Variants in CPS1 observed in about 807,000 individuals in gnomAD.
CPS1 encodes carbamoyl-phosphate synthase 1.
Under a neutral mutation model 174.6 loss-of-function variants are expected in CPS1, and 109 were observed. The observed-to-expected ratio is 0.62, with a 90% CI of 0.53 to 0.73. The LOEUF is 0.73. CPS1 is among the 30% of genes least tolerant of loss of function. The pLI is 0.00. For synonymous variants in CPS1, 637 were observed against 632.0 expected (o/e 1.01, Z -0.12); for missense variants, 1,689 against 1,821.9 (o/e 0.93, Z 1.33).
intron 1 of CPS1, among the ~76,000 whole-genome samples, chr2:210,487,389 A>C (rs1434448190): frequency 1.3e-5 from 2 of 152,202 alleles, no homozygotes; most frequent in African/African-American, 2.4e-5. Context: ...CTTGATATAC[A>C]ACAGATTCAA....
intron 32 of CPS1, among the ~76,000 whole-genome samples, 188 bp downstream of exon 32, chr2:210,660,843 CA>C (rs1023372003): frequency 6.6e-6 from 1 of 152,052 alleles, no homozygotes; most frequent in Non-Finnish European, 1.5e-5. Context: ...TTGTACATTT[CA>C]AAAAAATTTT....
intron 36 of CPS1, among the ~76,000 whole-genome samples, 165 bp from the exon 37 acceptor site, chr2:210,676,842 A>T (rs564365400): frequency 1.3e-5 from 2 of 152,232 alleles, no homozygotes; most frequent in African/African-American, 4.8e-5. Context: ...TATAATCCCT[A>T]TATAAGTGTA....
intron 13 of CPS1, among the ~76,000 whole-genome samples, chr2:210,598,075 C>A (rs7588072): frequency 0.31 from 47,087 of 150,780 alleles, 7,862 homozygotes; most frequent in Middle Eastern, 0.4. Context: ...CAAATAAATA[C>A]AAGGGGGAGC....
intron 4 of CPS1, among the ~76,000 whole-genome samples, chr2:210,579,284 G>A (rs543477021): frequency 2.2e-4 from 34 of 152,272 alleles, no homozygotes; most frequent in African/African-American, 7.5e-4. Flanking sequence ...CTAACAGGAT[G>A]ATCATGTTTT....
At chr2:210,547,532 T>G (rs1237543014) in intron 1 of CPS1, among the ~76,000 whole-genome samples, 1 of 152,052 alleles carries the variant, frequency 6.6e-6, no homozygotes, top group Non-Finnish European at 1.5e-5. Flanking sequence ...AATGAAAGAA[T>G]TATATAGTCT....
Position 210,641,401 on chromosome 2 carries a change from C to T in CPS1, c.2960-1083C>T, listed in dbSNP as rs148152551. The stretch of plus-strand genomic sequence containing the variant: ...TCAGCCTCCCAAAGTGCTGGTATTA[C>T]AGGCAGGAGCCACTACAGCTAGCAA... On this transcript the variant is annotated intron_variant, in intron 24 of 37. Coordinates refer to ENST00000233072, the MANE Select transcript of CPS1 (RefSeq NM_001875.5). Among the ~76,000 whole-genome samples, 1,382 of 152,268 alleles carry T rather than the reference C, an allele frequency of 9.1e-3. 27 individuals are homozygous for T. Among genetic ancestry groups the T allele is most frequent in the African/African-American group, 0.031 (1,268 of 41,546 alleles).
intron 1 of CPS1, among the ~76,000 whole-genome samples, chr2:210,525,884 G>A (rs1300205836): frequency 6.6e-6 from 1 of 151,512 alleles, no homozygotes; most frequent in Non-Finnish European, 1.5e-5. Flanking sequence ...GAAAGACAAG[G>A]ACAAGGACAA....
intron 12 of CPS1, 112 bp downstream of exon 12, chr2:210,594,718 G>T (rs756677364): frequency 3.8e-5 from 29 of 758,722 alleles, no homozygotes; most frequent in Non-Finnish European, 6.8e-5. Flanking sequence ...AAAGATGACT[G>T]GTAATATTGT....
intron 2 of CPS1, 63 bp downstream of exon 2, chr2:210,573,470 C>A: frequency 8.1e-7 from 1 of 1,233,134 alleles, no homozygotes; most frequent in Non-Finnish European, 1.2e-6. Flanking sequence ...GAAGATCTCA[C>A]TCATGGTGGT....
At position 210,591,797 on chromosome 2, in the gene CPS1, C is replaced by T. The variant is rs201837054; in HGVS notation, c.948-34C>T. On this transcript the variant is annotated intron_variant, in intron 9 of 37. Transcript: ENST00000233072. ...ATTTATATTATTCTCTTCACTTTTCCTTTTCCCTATTCTTTTTCTCCTTTT... is the reference window on the plus strand; with the variant it reads ...ATTTATATTATTCTCTTCACTTTTCTTTTTCCCTATTCTTTTTCTCCTTTT... 2.1e-4 allele frequency: 345 copies of T among 1,607,482 alleles called. 3 individuals carry two copies. Among genetic ancestry groups the T allele is most frequent in the Middle Eastern group, 1.7e-3 (10 of 6,044 alleles).
intron 14 of CPS1, 110 bp from the exon 15 acceptor site, chr2:210,600,445 T>G: frequency 9.4e-7 from 1 of 1,062,072 alleles, no homozygotes; most frequent in Non-Finnish European, 1.4e-6. Context: ...TTGTAGACAG[T>G]GGTAACTTCT....
Position 210,576,349 on chromosome 2 carries a change from C to A in CPS1, c.240C>A (p.Tyr80Ter). ...EVVFNTGLGGYPEAITDPAYK... is the reference protein window; with the variant it reads ...EVVFNTGLGG ...ATTTTTTGGCATGTTTACCCAGGTACCCAGAAGCTATTACTGACCCTGCCT... is the reference window on the plus strand; with the variant it reads ...ATTTTTTGGCATGTTTACCCAGGTAACCAGAAGCTATTACTGACCCTGCCT... Residue 80 changes from tyrosine (Y) to a stop codon, truncating the protein, a stop_gained, in exon 3 of 38, where the codon TAC becomes TAA. Transcript: ENST00000233072. LOFTEE classifies it high-confidence loss of function. The A allele has an allele frequency of 6.2e-7, 1 of 1,613,476 alleles. No homozygotes were observed. Among genetic ancestry groups the A allele is most frequent in the South Asian group, 1.1e-5 (1 of 91,068 alleles).
rs1699146832 is a variant in CPS1, at chr2:210,612,106, A to T, written c.2392-11A>T. On this transcript the variant is annotated splice_polypyrimidine_tract_variant and intron_variant, in intron 19 of 37. Coordinates refer to ENST00000233072, the MANE Select transcript of CPS1 (RefSeq NM_001875.5). ...TTTCTTTCAATATGAGGTCTTAAAC[A>T]TGTATTACAGGTCATGGCTATTGGT... The T allele has an allele frequency of 4.3e-6, 7 of 1,611,178 alleles. No homozygotes were observed. The highest frequency in any genetic ancestry group is 5.9e-6 in the Non-Finnish European group (7 of 1,178,044).
At chr2:210,539,984 G>A (rs1696356639) in intron 1 of CPS1, among the ~76,000 whole-genome samples, 1 of 152,184 alleles carries the variant, frequency 6.6e-6, no homozygotes, top group African/African-American at 2.4e-5. Context: ...GCCTTAAAGA[G>A]TGGTCCTGGA....
intron 1 of CPS1, among the ~76,000 whole-genome samples, chr2:210,495,798 C>G (rs1694978193): frequency 6.6e-6 from 1 of 152,106 alleles, no homozygotes; most frequent in African/African-American, 2.4e-5. Context: ...TGCCATTTCT[C>G]TCTTATTTGT....
intron 33 of CPS1, among the ~76,000 whole-genome samples, chr2:210,667,460 G>A (rs898297513): frequency 1.3e-5 from 2 of 152,036 alleles, no homozygotes; most frequent in African/African-American, 4.8e-5. Flanking sequence ...TATTTGACTT[G>A]TAGTTATATT....
intron 1 of CPS1, among the ~76,000 whole-genome samples, chr2:210,538,232 T>C (rs1696310501): frequency 6.6e-6 from 1 of 152,178 alleles, no homozygotes; most frequent in South Asian, 2.1e-4. Context: ...TTAAAAGCCA[T>C]TATAAACTTT....
chr2:210,514,660 G>A (rs1695625815), intron 1 of CPS1, among the ~76,000 whole-genome samples: 1 of 151,820 alleles, frequency 6.6e-6, no homozygotes, highest in African/African-American at 2.4e-5. Context: ...CTATTTGGAT[G>A]CCTTTTATTT....
At chr2:210,655,844 C>G (rs1273462034) in intron 29 of CPS1, among the ~76,000 whole-genome samples, 1 of 152,176 alleles carries the variant, frequency 6.6e-6, no homozygotes, top group Non-Finnish European at 1.5e-5. Flanking sequence ...CTCCCTTACT[C>G]TCAGCTGCAT....
Sources: allele counts gnomAD v4.1 joint callset (sites outside exome capture counted in the v4.1 genomes callset), GRCh38; gene constraint gnomAD v4.1.1; transcripts MANE v1.5; gene names NCBI Gene and HGNC (gene_info 2026-07-23, HGNC 2026-07-21).